Variants in SLC14A2 observed in about 807,000 individuals in gnomAD.
SLC14A2 encodes the protein solute carrier family 14 member 2.
In SLC14A2, 91 loss-of-function variants were observed where a neutral mutation model predicts 104.6. The ratio of observed to expected loss-of-function variants is 0.87; its 90% CI spans 0.73 to 1.04. The LOEUF (loss-of-function observed/expected upper bound fraction) is 1.04, where lower values mean the gene tolerates loss of function less well. SLC14A2 is among the 50% of genes least tolerant of loss of function. The probability of loss-of-function intolerance (pLI) is 0.00; values close to 1 mark genes in which losing one functional copy is unlikely to be tolerated. For synonymous variants in SLC14A2, 476 were observed against 466.4 expected, an observed-to-expected ratio of 1.02 and a Z score of -0.27; for missense variants, 1,189 against 1,156.0, an observed-to-expected ratio of 1.03 and a Z score of -0.41.
intron 2 of SLC14A2, among the ~76,000 whole-genome samples, chr18:45,516,216 T>A (rs2043438749): frequency 6.6e-6 from 1 of 152,180 alleles, no homozygotes; most frequent in Admixed American, 6.5e-5. Flanking sequence ...CCCCCCTCAC[T>A]ACTGTTTCCC....
the SLC14A2 span, chr18:45,168,859 G>A: frequency 6.6e-6 from 1 of 152,026 alleles, no homozygotes; most frequent in African/African-American, 2.4e-5. Flanking sequence ...AAAATCTCCT[G>A]CTCTCTATAT....
At chr18:45,401,192 T>C (rs1025281300) in intron 1 of SLC14A2, among the ~76,000 whole-genome samples, 21 of 152,180 alleles carry the variant, frequency 1.4e-4, no homozygotes, top group African/African-American at 4.8e-4. Flanking sequence ...TATTTAAAAT[T>C]ACAACCACTG....
At chr18:45,174,708 A>C in the SLC14A2 span, among the ~76,000 whole-genome samples, 5 of 152,142 alleles carry the variant, frequency 3.3e-5, no homozygotes, top group East Asian at 9.6e-4. Flanking sequence ...ATTGGATCCT[A>C]GGATGGTGCA....
rs149386363 is a variant in SLC14A2, at chr18:45,374,708, T to C, written c.-124-108525T>C. 7.2e-5 allele frequency among the ~76,000 whole-genome samples: 11 copies of C among 152,318 alleles called. No homozygotes were observed. In the East Asian group the frequency reaches 2.1e-3, roughly 29 times the overall value. On this transcript the variant is annotated intron_variant, in intron 1 of 20. Transcript: ENST00000586448. ...ATCCGTGTGGGATTATTTTACTTTG[T>C]ACAAAAATCAGTTACTTTGTACTTT...
At position 45,557,325 on chromosome 18, in the gene SLC14A2, G is replaced by T. The variant is rs569831302; in HGVS notation, c.-34-67306G>T. ...GGTTCCCTCTAGTCCCTGCCATGCT[G>T]AGCTTGATGTCCTCAGTCGCCAATG... On this transcript the variant is annotated intron_variant, in intron 2 of 20. Transcript: ENST00000586448. Among the ~76,000 whole-genome samples the T allele has an allele frequency of 7.9e-5, 12 of 152,330 alleles. No homozygotes were observed. The South Asian group carries it at 2.5e-3, about 32-fold the overall frequency.
chr18:45,186,901 C>T, the SLC14A2 span, among the ~76,000 whole-genome samples: 4 of 152,198 alleles, frequency 2.6e-5, no homozygotes, highest in South Asian at 2.1e-4. Context: ...AAGATCCTCT[C>T]GTGGCTTTAT....
chr18:45,624,591 C>T (rs1599079724), intron 1 of SLC14A2, 40 bp from the exon 2 acceptor site: 35 of 1,498,934 alleles, frequency 2.3e-5, no homozygotes, highest in East Asian at 1.4e-4. Context: ...CTCTGGGCCC[C>T]GTCCTGACTC....
intron 1 of SLC14A2, among the ~76,000 whole-genome samples, chr18:45,420,050 TG>T (rs1338654781): frequency 6.6e-6 from 1 of 152,230 alleles, no homozygotes; most frequent in African/African-American, 2.4e-5. Flanking sequence ...GGGAACAGCT[TG>T]GCCAGGTAGT....
At chr18:45,211,302 C>T (rs2083959159), upstream of SLC14A2, among the ~76,000 whole-genome samples, 3 of 152,310 alleles carry the variant, frequency 2.0e-5, no homozygotes, top group Admixed American at 2.0e-4. Flanking sequence ...CCCACAGTCT[C>T]AGCCGGGGGC....
rs542607303 is a variant in SLC14A2 at position 45,652,571 on chromosome 18, C to T, written c.1351+8411C>T. Among the ~76,000 whole-genome samples the T allele has an allele frequency of 2.0e-5, 3 of 152,304 alleles. No homozygotes were observed. The East Asian group carries it at 5.8e-4, about 29-fold the overall frequency. On this transcript the variant is annotated intron_variant, in intron 10 of 19. Coordinates refer to ENST00000255226, the MANE Select transcript of SLC14A2 (RefSeq NM_007163.4). ...GAGGATCTGACCTTCCCAAGTTTAGCTCCTGGTGGTCAATGCAGGCCTCCT... is the reference window on the plus strand; with the variant it reads ...GAGGATCTGACCTTCCCAAGTTTAGTTCCTGGTGGTCAATGCAGGCCTCCT...
intron 1 of SLC14A2, among the ~76,000 whole-genome samples, chr18:45,412,114 A>G (rs1232103873): frequency 2.0e-5 from 3 of 152,212 alleles, no homozygotes; most frequent in African/African-American, 7.2e-5. Flanking sequence ...TTGCTGTTGC[A>G]TCTCCCACTG....
intron 1 of SLC14A2, among the ~76,000 whole-genome samples, chr18:45,400,237 CATCT>C (rs1247740640): frequency 6.6e-6 from 1 of 152,132 alleles, no homozygotes; most frequent in East Asian, 1.9e-4. Flanking sequence ...TTAGTTGTCA[CATCT>C]CTCTGATTTC....
the SLC14A2 span, among the ~76,000 whole-genome samples, chr18:45,193,274 G>T: frequency 6.6e-6 from 1 of 152,116 alleles, no homozygotes; most frequent in East Asian, 1.9e-4. Flanking sequence ...TTTTATGGAT[G>T]GTGCTTTTGA....
intron 1 of SLC14A2, among the ~76,000 whole-genome samples, chr18:45,244,651 G>A (rs1031057536): frequency 6.6e-6 from 1 of 151,994 alleles, no homozygotes; most frequent in Non-Finnish European, 1.5e-5. Flanking sequence ...GGGGGGGTGG[G>A]GGAGCAGGTG....
At chr18:45,388,064 C>CTTTTTTTTTTTTTTTT (rs58962313) in intron 1 of SLC14A2, among the ~76,000 whole-genome samples, 1 of 69,052 alleles carries the variant, frequency 1.4e-5, no homozygotes, top group African/African-American at 6.0e-5. Context: ...TTGCTCATAT[C>CTTTTTTTTTTTTTTTT]TTTTTTTTTT....
intron 2 of SLC14A2, among the ~76,000 whole-genome samples, chr18:45,488,835 A>G (rs1163987440): frequency 6.6e-6 from 1 of 152,104 alleles, no homozygotes; most frequent in Non-Finnish European, 1.5e-5. Flanking sequence ...ATTTGTTCCC[A>G]CCCTTTAGTC....
At chr18:45,365,054 A>C (rs2085653064) in intron 1 of SLC14A2, among the ~76,000 whole-genome samples, 2 of 152,176 alleles carry the variant, frequency 1.3e-5, no homozygotes, top group African/African-American at 4.8e-5. Flanking sequence ...CTCTGATTGA[A>C]AGAGAATAGG....
At chr18:45,514,576 A>G (rs2043411274) in intron 2 of SLC14A2, among the ~76,000 whole-genome samples, 1 of 152,218 alleles carries the variant, frequency 6.6e-6, no homozygotes, top group Admixed American at 6.5e-5. Context: ...CTGTGGATCT[A>G]TTAGAAAATG....
At chr18:45,653,057 C>A (rs2144592384) in intron 10 of SLC14A2, among the ~76,000 whole-genome samples, 1 of 151,998 alleles carries the variant, frequency 6.6e-6, no homozygotes, top group East Asian at 1.9e-4. Context: ...TGGGAGAAGC[C>A]AGGGCAAGAG....
Sources: allele counts gnomAD v4.1 joint callset (sites outside exome capture counted in the v4.1 genomes callset), GRCh38; gene constraint gnomAD v4.1.1; transcripts MANE v1.5; gene names NCBI Gene and HGNC (gene_info 2026-07-23, HGNC 2026-07-21).